The following PPARGC1A variants were observed in gnomAD, a reference collection of about 807,000 sequenced individuals.
The protein encoded by PPARGC1A is peroxisome proliferator-activated receptor gamma coactivator 1-alpha.
Under a neutral mutation model 88.7 loss-of-function variants are expected in PPARGC1A, and 25 were observed. The observed-to-expected ratio is 0.28, with a 90% CI of 0.21 to 0.39. The LOEUF is 0.39. Among genes scored for constraint, PPARGC1A ranks in the 10% least tolerant of loss-of-function variants. PPARGC1A has a pLI of 1.00. For synonymous variants in PPARGC1A, 363 were observed against 355.6 expected, an observed-to-expected ratio of 1.02 and a Z score of -0.24; for missense variants, 880 against 968.7, an observed-to-expected ratio of 0.91 and a Z score of 1.22.
At chr4:24,032,222 G>C in the PPARGC1A span, among the ~76,000 whole-genome samples, 1 of 152,164 alleles carries the variant, frequency 6.6e-6, no homozygotes, top group Non-Finnish European at 1.5e-5. Flanking sequence ...TTTTGACATG[G>C]AAAAATCACA....
the PPARGC1A span, among the ~76,000 whole-genome samples, chr4:24,130,834 AG>A: frequency 6.6e-6 from 1 of 152,174 alleles, no homozygotes; most frequent in East Asian, 1.9e-4. Flanking sequence ...CAGGCTCCTT[AG>A]TACAGAGTAC....
the PPARGC1A span, among the ~76,000 whole-genome samples, chr4:23,967,939 AAGG>A: frequency 6.6e-6 from 1 of 152,122 alleles, no homozygotes; most frequent in Non-Finnish European, 1.5e-5. Flanking sequence ...AAGCAAATTA[AAGG>A]AGGAGGAGGA....
the PPARGC1A span, among the ~76,000 whole-genome samples, chr4:24,185,531 T>G: frequency 1.3e-5 from 2 of 152,182 alleles, no homozygotes; most frequent in African/African-American, 2.4e-5. Context: ...GATGGTGGTG[T>G]TGTATTTCTC....
the PPARGC1A span, among the ~76,000 whole-genome samples, chr4:23,971,782 G>A: frequency 6.6e-6 from 1 of 152,020 alleles, no homozygotes; most frequent in Non-Finnish European, 1.5e-5. Flanking sequence ...TCAATACTTT[G>A]TATCCTTCAA....
chr4:23,812,876 C>T lies in PPARGC1A; in HGVS notation c.1899-9G>A. 1.2e-6 allele frequency: 2 copies of T among 1,613,986 alleles called. No individual in the cohort carries two copies. Among genetic ancestry groups the T allele is most frequent in the Non-Finnish European group, 8.5e-7 (1 of 1,179,978 alleles). Reference sequence around the variant, plus strand: ...CCTCGTAGCTGTCATACCTGGGAAACATAACTTTATCACTAAGTCAACCAC... The same window carrying T: ...CCTCGTAGCTGTCATACCTGGGAAATATAACTTTATCACTAAGTCAACCAC... On this transcript the variant is annotated splice_polypyrimidine_tract_variant and intron_variant, in intron 9 of 12. Transcript: ENST00000264867.
At chr4:24,218,107 A>G in the PPARGC1A span, among the ~76,000 whole-genome samples, 7 of 152,188 alleles carry the variant, frequency 4.6e-5, no homozygotes, top group Non-Finnish European at 1.0e-4. Context: ...TAAGACAAAC[A>G]TGTTTTCCTG....
the PPARGC1A span, among the ~76,000 whole-genome samples, chr4:23,999,257 C>A: frequency 6.6e-6 from 1 of 152,202 alleles, no homozygotes; most frequent in Non-Finnish European, 1.5e-5. Flanking sequence ...AAAGCATTGT[C>A]TGTTTGCTAC....
the PPARGC1A span, among the ~76,000 whole-genome samples, chr4:24,247,934 A>G: frequency 6.6e-6 from 1 of 152,048 alleles, no homozygotes; most frequent in Non-Finnish European, 1.5e-5. Flanking sequence ...CCCCCACCTA[A>G]TATCGATCTG....
At chr4:24,466,498 T>C in the PPARGC1A span, among the ~76,000 whole-genome samples, 2 of 152,228 alleles carry the variant, frequency 1.3e-5, no homozygotes, top group African/African-American at 2.4e-5. Flanking sequence ...CTCTGTGCTT[T>C]GTTTGCCTCA....
chr4:24,128,531 A>AGTGT, the PPARGC1A span, among the ~76,000 whole-genome samples: 4,989 of 138,218 alleles, frequency 0.036, 102 homozygotes, highest in East Asian at 0.074. Context: ...AGCCTGTCAC[A>AGTGT]GTGTGTGTGT....
chr4:23,836,890 A>C (rs550525247), intron 2 of PPARGC1A, among the ~76,000 whole-genome samples: 2 of 152,286 alleles, frequency 1.3e-5, no homozygotes, highest in Admixed American at 1.3e-4. Context: ...TAAGGAGGAG[A>C]GGAGGGACTC....
the PPARGC1A span, among the ~76,000 whole-genome samples, chr4:24,390,697 C>T: frequency 3.3e-5 from 5 of 151,934 alleles, no homozygotes; most frequent in Non-Finnish European, 4.4e-5. Context: ...AATATTATAT[C>T]GGGAGCATTT....
At chr4:23,993,584 T>C in the PPARGC1A span, among the ~76,000 whole-genome samples, 1 of 152,140 alleles carries the variant, frequency 6.6e-6, no homozygotes, top group African/African-American at 2.4e-5. Context: ...GGGCCCATTA[T>C]CATCAGCCCC....
chr4:23,859,149 T>C (rs1174600338), intron 2 of PPARGC1A, among the ~76,000 whole-genome samples: 1 of 152,170 alleles, frequency 6.6e-6, no homozygotes, highest in African/African-American at 2.4e-5. Context: ...CCAGGGAATG[T>C]AGTAAGAGAA....
chr4:24,310,242 G>A, the PPARGC1A span, among the ~76,000 whole-genome samples: 7 of 152,070 alleles, frequency 4.6e-5, no homozygotes, highest in African/African-American at 1.4e-4. Context: ...TAAAACATGG[G>A]GTTAAAGAGA....
At chr4:24,109,172 T>G in the PPARGC1A span, among the ~76,000 whole-genome samples, 35 of 152,020 alleles carry the variant, frequency 2.3e-4, no homozygotes, top group African/African-American at 6.8e-4. Flanking sequence ...TGGTAATAAT[T>G]AATTATTAAA....
chr4:24,270,935 G>T, the PPARGC1A span, among the ~76,000 whole-genome samples: 1 of 152,076 alleles, frequency 6.6e-6, no homozygotes, highest in Non-Finnish European at 1.5e-5. Context: ...AATACCCAGG[G>T]TGTCAAATAC....
At chr4:23,946,227 T>C in the PPARGC1A span, among the ~76,000 whole-genome samples, 5 of 152,158 alleles carry the variant, frequency 3.3e-5, no homozygotes, top group East Asian at 1.9e-4. Flanking sequence ...CTTTTAAAAA[T>C]AGATTTTGCC....
At chr4:24,175,354 T>G in the PPARGC1A span, among the ~76,000 whole-genome samples, 3 of 148,524 alleles carry the variant, frequency 2.0e-5, no homozygotes, top group Non-Finnish European at 3.0e-5. Flanking sequence ...GGGTTTTTGT[T>G]TTTTTTTTTC....
Sources: allele counts gnomAD v4.1 joint callset (sites outside exome capture counted in the v4.1 genomes callset), GRCh38; gene constraint gnomAD v4.1.1; transcripts MANE v1.5; gene names NCBI Gene and HGNC (gene_info 2026-07-23, HGNC 2026-07-21).